The following RASA2 variants were observed in gnomAD, a reference collection of about 807,000 sequenced individuals.
The protein encoded by RASA2 is RAS p21 protein activator 2, also known as ras GTPase-activating protein 2.
Under a neutral mutation model 118.2 loss-of-function variants are expected in RASA2, and 155 were observed. The ratio of observed to expected loss-of-function variants is 1.31; its 90% CI spans 1.15 to 1.50. The LOEUF (loss-of-function observed/expected upper bound fraction) is 1.50, where lower values mean the gene tolerates loss of function less well. Among genes scored for constraint, RASA2 ranks in the 40% most tolerant of loss-of-function variants. RASA2 has a pLI of 0.00. For missense variants in RASA2, 1,016 were observed against 1,009.6 expected, an observed-to-expected ratio of 1.01 and a Z score of -0.09; for synonymous variants, 353 against 349.1, an observed-to-expected ratio of 1.01 and a Z score of -0.12.
At chr3:141,540,461 GAA>G in intron 4 of RASA2, 70 bp from the exon 5 acceptor site, 1 of 1,272,670 alleles carries the variant, frequency 7.9e-7, no homozygotes, top group Non-Finnish European at 1.1e-6. Context: ...GTGGTGATTT[GAA>G]AAGGCACATA....
At chr3:141,564,758 T>G (rs765782717) in intron 9 of RASA2, among the ~76,000 whole-genome samples, 2 of 152,192 alleles carry the variant, frequency 1.3e-5, no homozygotes, top group African/African-American at 2.4e-5. Context: ...TGTAACCAAG[T>G]GACAAGCACA....
intron 5 of RASA2, among the ~76,000 whole-genome samples, chr3:141,544,888 G>A (rs2082461188): frequency 6.6e-6 from 1 of 152,186 alleles, no homozygotes; most frequent in Non-Finnish European, 1.5e-5. Context: ...CGCAGAAACA[G>A]AAAATGAAAC....
Position 141,614,172 on chromosome 3 carries a change from C to T in RASA2, c.*1859C>T, listed in dbSNP as rs1396298381. The T allele has an allele frequency of 6.6e-6, 1 of 151,800 alleles. No homozygotes were observed. Among genetic ancestry groups the T allele is most frequent in the Non-Finnish European group, 1.5e-5 (1 of 67,956 alleles). The allele number at this position is 151,800 out of a possible 1,614,324, so 9.4% of individuals were successfully genotyped here. On this transcript the variant is annotated 3_prime_UTR_variant, in exon 24 of 24. Coordinates refer to ENST00000286364, the MANE Select transcript of RASA2 (RefSeq NM_006506.5). ...CAAAAGAAATATGCATCTAGCATTT[C>T]TAATACCAAATCCCCAATTGTGATT...
intron 5 of RASA2, among the ~76,000 whole-genome samples, chr3:141,548,245 G>A (rs906968045): frequency 2.0e-5 from 3 of 152,104 alleles, no homozygotes; most frequent in Admixed American, 2.0e-4. Flanking sequence ...GACTAGCTGA[G>A]TAGGATTGGT....
intron 19 of RASA2, among the ~76,000 whole-genome samples, chr3:141,601,776 T>C (rs1424437273): frequency 1.3e-5 from 2 of 152,200 alleles, no homozygotes; most frequent in East Asian, 1.9e-4. Context: ...TTCTTCAAAT[T>C]TCTCCCCTTT....
In RASA2 at chr3:141,570,965, T is replaced by C; in HGVS notation, c.917T>C (p.Leu306Pro). Residue 306 changes from leucine to proline, a missense_variant, in exon 10 of 24, where the codon CTG becomes CCG. This residue lies in a region of RASA2 where 896 missense variants were observed against 836.4 expected (regional missense o/e 1.07). Transcript: ENST00000286364. ...NGNKSSKTDD[L>P]GSLRLNICYT... Reference sequence around the variant, plus strand: ...AACAAGTCATCCAAAACTGATGACCTGGGGTCTCTTCGATTAAATATATGT... The same window carrying C: ...AACAAGTCATCCAAAACTGATGACCCGGGGTCTCTTCGATTAAATATATGT... 1 of 1,612,430 alleles carries C rather than the reference T, an allele frequency of 6.2e-7. No homozygotes were observed. The highest frequency in any genetic ancestry group is 1.1e-5 in the South Asian group (1 of 90,852).
intron 17 of RASA2, among the ~76,000 whole-genome samples, chr3:141,585,635 C>G (rs1262069516): frequency 6.6e-6 from 1 of 151,764 alleles, no homozygotes; most frequent in East Asian, 1.9e-4. Context: ...CCTGTCTCTA[C>G]TAAAAATAAA....
intron 1 of RASA2, among the ~76,000 whole-genome samples, chr3:141,491,235 T>C (rs2151066251): frequency 6.6e-6 from 1 of 152,286 alleles, no homozygotes; most frequent in East Asian, 1.9e-4. Flanking sequence ...TCTTCTTTAC[T>C]CCACCCCATC....
rs888362601 is a variant in RASA2 at position 141,608,521 on chromosome 3, C to G, written c.2049C>G (p.Leu683=). Residue 683 remains leucine, a synonymous_variant, in exon 21 of 24, where the codon CTC becomes CTG. Coordinates refer to ENST00000286364, the MANE Select transcript of RASA2 (RefSeq NM_006506.5). ...AAGTAATACATACGGAGAAACCACT[C>G]TATGTCCAGGCAAATAACTGTGTAG... is the stretch of plus-strand genomic sequence containing the variant. ...MFQVIHTEKP[L]YVQANNCVEA... The G allele has an allele frequency of 4.3e-6, 7 of 1,613,904 alleles. 1 individual carries two copies. The highest frequency in any genetic ancestry group is 5.9e-6 in the Non-Finnish European group (7 of 1,179,872).
At position 141,613,496 on chromosome 3, in the gene RASA2, C is replaced by T. The variant is rs143562100; in HGVS notation, c.*1183C>T. On this transcript the variant is annotated 3_prime_UTR_variant, in exon 24 of 24. Coordinates refer to ENST00000286364, the MANE Select transcript of RASA2 (RefSeq NM_006506.5). ...TAAATAAGCAGTCGAAGCAAGTTGC[C>T]ACCTTGAAGTTGAGGGATACACTTT... 77 of 152,238 alleles carry T rather than the reference C, an allele frequency of 5.1e-4. No individual in the cohort carries two copies. Among genetic ancestry groups the T allele is most frequent in the Admixed American group, 2.0e-3 (30 of 15,294 alleles). The allele number at this position is 152,238 out of a possible 1,614,324, so 9.4% of individuals were successfully genotyped here. A position where few individuals can be genotyped will look rare whatever the true frequency, so the allele number is the denominator to read the frequency against.
At chr3:141,517,416 A>C (rs1010076333) in intron 3 of RASA2, among the ~76,000 whole-genome samples, 8 of 152,138 alleles carry the variant, frequency 5.3e-5, no homozygotes, top group Non-Finnish European at 7.4e-5. Flanking sequence ...AGTGAAAGGC[A>C]AAGGGGAAGC....
In RASA2 at chr3:141,540,613, A is replaced by T; in HGVS notation, c.527+4A>T. 6.2e-7 allele frequency: 1 copy of T among 1,605,252 alleles called. No homozygotes were observed. The highest frequency in any genetic ancestry group is 8.5e-7 in the Non-Finnish European group (1 of 1,174,220). On this transcript the variant is annotated splice_donor_region_variant and intron_variant, in intron 5 of 23. Transcript: ENST00000286364. ...TATGCCAGCAGCTTGTTGTACAGTA[A>T]GCATTTTTTTTAACCAAAATCAACT...
At chr3:141,567,340 C>T (rs1269725051) in intron 9 of RASA2, among the ~76,000 whole-genome samples, 4 of 151,988 alleles carry the variant, frequency 2.6e-5, no homozygotes, top group East Asian at 1.9e-4. Context: ...CGCTTGAACC[C>T]GGGAGGCAGA....
chr3:141,559,353 A>G (rs1025841617), intron 8 of RASA2, among the ~76,000 whole-genome samples: 2 of 152,080 alleles, frequency 1.3e-5, no homozygotes. Flanking sequence ...TCAGTGAGGT[A>G]AGAAGATAAT....
intron 1 of RASA2, among the ~76,000 whole-genome samples, chr3:141,490,742 G>C (rs1205790006): frequency 6.6e-6 from 1 of 152,198 alleles, no homozygotes; most frequent in Non-Finnish European, 1.5e-5. Context: ...GAGCTTAGAG[G>C]CTGGGTGAAA....
chr3:141,529,057 CTACT>C (rs1247468974), intron 3 of RASA2, among the ~76,000 whole-genome samples: 3 of 151,964 alleles, frequency 2.0e-5, no homozygotes, highest in Admixed American at 1.3e-4. Context: ...TCCTCTCATA[CTACT>C]ATGTTCATTG....
At position 141,586,583 on chromosome 3, in the gene RASA2, T is replaced by C. The variant is rs79122635; in HGVS notation, c.1827-63T>C. ...CATGTCATTTAAAGTTAAAGGATAC[T>C]TCTTTGTTTTGGATTAACTTTTAAT... On this transcript the variant is annotated intron_variant, in intron 18 of 23. Transcript: ENST00000286364. 2.4e-3 allele frequency: 2,704 copies of C among 1,112,402 alleles called. 63 individuals are homozygous for C. The African/African-American group carries it at 0.037, about 15-fold the overall frequency. 68.9% of individuals were successfully genotyped at this position (1,112,402 alleles called of 1,614,324 possible). A position where few individuals can be genotyped will look rare whatever the true frequency, so the allele number is the denominator to read the frequency against.
intron 4 of RASA2, among the ~76,000 whole-genome samples, chr3:141,536,064 G>A (rs1238024691): frequency 1.3e-5 from 2 of 152,152 alleles, no homozygotes; most frequent in Non-Finnish European, 2.9e-5. Context: ...TTGAAATAAA[G>A]TTAGCGTATA....
chr3:141,506,899 G>A (rs2081876025), intron 1 of RASA2, among the ~76,000 whole-genome samples: 1 of 141,318 alleles, frequency 7.1e-6, no homozygotes, highest in Non-Finnish European at 1.5e-5. Flanking sequence ...GTGGGCGACA[G>A]AGCGAGACCC....
Sources: gnomAD v4.1 joint callset for allele counts (sites outside exome capture counted in the v4.1 genomes callset) on GRCh38, gnomAD v4.1.1 for gene constraint, gnomAD v4.1.1 regional missense constraint, MANE v1.5 for transcripts, NCBI Gene and HGNC (gene_info 2026-07-23, HGNC 2026-07-21) for gene names.